Variants in ATP13A2 observed in about 807,000 individuals in gnomAD.
ATP13A2 encodes polyamine-transporting ATPase 13A2.
In ATP13A2, 83 loss-of-function variants were observed where a neutral mutation model predicts 138.3. The observed-to-expected ratio is 0.60, with a 90% CI of 0.50 to 0.72. The LOEUF is 0.72. ATP13A2 is among the 30% of genes least tolerant of loss of function. ATP13A2 has a pLI of 0.00. For missense variants in ATP13A2, 1,402 were observed against 1,606.4 expected (o/e 0.87, Z 2.17); for synonymous variants, 663 against 699.0 (o/e 0.95, Z 0.81).
rs1156703872 is a variant in ATP13A2 at position 16,987,216 on chromosome 1, G to A, written c.2913C>T (p.Thr971=). Residue 971 remains threonine (T), a synonymous_variant, in exon 26 of 29, where the codon ACC becomes ACT. Transcript: ENST00000326735. ...GGCTCATGAGCACTGCCACTGTGGT[G>A]GTGATGACCAGGTCGATGGCCAGGA... ...LQFLAIDLVI[T]TTVAVLMSRT... The A allele has an allele frequency of 1.2e-6, 2 of 1,613,892 alleles. No individual in the cohort carries two copies. Among genetic ancestry groups the A allele is most frequent in the African/African-American group, 2.7e-5 (2 of 75,046 alleles).
rs56268651 is a variant in ATP13A2, at chr1:16,990,299, G to A, written c.2252-12C>T. ...CTGCAGGTTGTCCCCTGGGGGTTAT[G>A]GGGCAAGGTGAGGGTCTGAGGCTAT... On this transcript the variant is annotated splice_polypyrimidine_tract_variant and intron_variant, in intron 20 of 28. Coordinates refer to ENST00000326735, the MANE Select transcript of ATP13A2 (RefSeq NM_022089.4). 1.7e-5 allele frequency: 27 copies of A among 1,613,876 alleles called. No homozygotes were observed. The African/African-American group carries it at 2.3e-4, about 14-fold the overall frequency.
chr1:16,992,153 C>A (rs551363748), intron 18 of ATP13A2, 24 bp from the exon 19 acceptor site: 4 of 1,612,268 alleles, frequency 2.5e-6, no homozygotes, highest in Non-Finnish European at 3.4e-6. Context: ...GCAGGTGTCA[C>A]AAGGAGGGGA....
intron 1 of ATP13A2, 137 bp from the exon 2 acceptor site, chr1:17,005,915 A>C (rs1263800040): frequency 4.1e-6 from 3 of 733,770 alleles, no homozygotes; most frequent in Non-Finnish European, 6.7e-6. Context: ...CGGGTGGATC[A>C]CCTGAGGTTA....
At chr1:16,997,498 A>G (rs879612558) in intron 11 of ATP13A2, among the ~76,000 whole-genome samples, 1 of 146,150 alleles carries the variant, frequency 6.8e-6, no homozygotes, top group Non-Finnish European at 1.5e-5. Flanking sequence ...TTTCTGCTGG[A>G]ATTATTTTAT....
intron 11 of ATP13A2, among the ~76,000 whole-genome samples, 183 bp downstream of exon 11, chr1:16,999,828 G>C (rs934377211): frequency 3.1e-4 from 47 of 152,166 alleles, no homozygotes; most frequent in Admixed American, 3.0e-3. Flanking sequence ...TTGAACCTGG[G>C]GGGTGGAGGC....
At chr1:17,008,419 A>G (rs150814450) in intron 1 of ATP13A2, among the ~76,000 whole-genome samples, 3,165 of 152,200 alleles carry the variant, frequency 0.021, 50 homozygotes, top group Non-Finnish European at 0.033. Context: ...CTGGGCTTCC[A>G]TTTCTCATCT....
chr1:17,007,125 C>A (rs988230658), intron 1 of ATP13A2, among the ~76,000 whole-genome samples: 3 of 152,296 alleles, frequency 2.0e-5, no homozygotes, highest in Admixed American at 2.0e-4. Flanking sequence ...GTGATCCACC[C>A]GCCTTGCCTC....
At position 16,986,739 on chromosome 1, in the gene ATP13A2, C is replaced by T. The variant is rs1416500601; in HGVS notation, c.3235+66G>A. 2.5e-6 allele frequency: 4 copies of T among 1,571,760 alleles called. No individual in the cohort carries two copies. The highest frequency in any genetic ancestry group is 2.4e-5 in the East Asian group (1 of 41,544). ...CGGCCGGCACCTCTCTCCCATCTGC[C>T]TCCCCAGCACCCCAGGGCTCCTCCC... On this transcript the variant is annotated intron_variant, in intron 27 of 28. Transcript: ENST00000326735. This position sits in a 1 kb window ranked among gnomAD's most constrained non-coding sequence, Gnocchi z 6.9.
intron 1 of ATP13A2, among the ~76,000 whole-genome samples, chr1:17,009,168 A>T (rs1351773184): frequency 1.3e-5 from 2 of 152,060 alleles, no homozygotes; most frequent in African/African-American, 4.8e-5. Context: ...CCTTACTCCC[A>T]GGTCCTCTCT....
At chr1:17,005,651 G>T (rs749055610) in intron 2 of ATP13A2, 33 bp downstream of exon 2, 15 of 1,612,972 alleles carry the variant, frequency 9.3e-6, no homozygotes, top group Non-Finnish European at 1.3e-5. Flanking sequence ...TTCACCCCCT[G>T]CAGCTTTTCC....
chr1:17,011,624 C>G lies in ATP13A2; in HGVS notation c.10+105G>C, dbSNP rs1570929622. The G allele has an allele frequency of 5.2e-6, 7 of 1,358,658 alleles. No homozygotes were observed. The East Asian group carries it at 2.2e-4, about 43-fold the overall frequency. The allele number at this position is 1,358,658 out of a possible 1,614,324, so 84.2% of individuals were successfully genotyped here. ...CAGGTCCCGCTTCCTGGGCTCGCGA[C>G]CCCGCGGTGGGGGGCGTCGCCTCCC... On this transcript the variant is annotated intron_variant, in intron 1 of 28. Coordinates refer to ENST00000326735, the MANE Select transcript of ATP13A2 (RefSeq NM_022089.4). This position sits in a 1 kb window ranked among gnomAD's most constrained non-coding sequence, Gnocchi z 7.3.
Position 16,996,053 on chromosome 1 carries a change from G to T in ATP13A2, c.1465C>A (p.Arg489=). 1 of 1,614,094 alleles carries T rather than the reference G, an allele frequency of 6.2e-7. No homozygotes were observed. The highest frequency in any genetic ancestry group is 8.5e-7 in the Non-Finnish European group (1 of 1,180,046). Residue 489 remains arginine, a synonymous_variant, in exon 15 of 29, where the codon CGG becomes AGG. Coordinates refer to ENST00000326735, the MANE Select transcript of ATP13A2 (RefSeq NM_022089.4). ...VCTLYAQSRL[R]RQGIFCIHPL... is the part of the protein sequence containing the mutation. ...TGGATGCAGAAAATGCCCTGTCTCC[G>T]CAGTCGGCTCTGGGCGTAGAGCGTG...
At chr1:17,000,208 C>T (rs1226481563) in intron 10 of ATP13A2, 38 bp downstream of exon 10, 11 of 1,505,470 alleles carry the variant, frequency 7.3e-6, no homozygotes, top group Admixed American at 2.2e-5. Context: ...CCCCACCCTC[C>T]CACTCCTGCC....
chr1:16,988,531 G>A (rs2100691004), intron 23 of ATP13A2, 57 bp from the exon 24 acceptor site: 1 of 1,611,402 alleles, frequency 6.2e-7, no homozygotes, highest in South Asian at 1.1e-5. Flanking sequence ...CCCCATGGGT[G>A]GGCTGGCAGA....
At chr1:17,007,394 T>C (rs2077598729) in intron 1 of ATP13A2, among the ~76,000 whole-genome samples, 2 of 152,002 alleles carry the variant, frequency 1.3e-5, no homozygotes, top group Admixed American at 1.3e-4. Flanking sequence ...GATCAACTCC[T>C]CAGGCCGGGG....
chr1:17,002,499 G>A, intron 6 of ATP13A2, 126 bp from the exon 7 acceptor site: 1 of 1,162,684 alleles, frequency 8.6e-7, no homozygotes, highest in Non-Finnish European at 1.2e-6. Flanking sequence ...TGAGCTCCTG[G>A]GAGCAAGTAA....
chr1:17,005,282 A>G, intron 3 of ATP13A2, 92 bp downstream of exon 3: 1 of 1,528,110 alleles, frequency 6.5e-7, no homozygotes, highest in South Asian at 1.2e-5. Context: ...TCCCATGGAA[A>G]GTCAGTGGCC....
chr1:17,006,105 T>C (rs368885192), intron 1 of ATP13A2, among the ~76,000 whole-genome samples: 43 of 151,988 alleles, frequency 2.8e-4, no homozygotes, highest in African/African-American at 9.4e-4. Flanking sequence ...ACTGCACCCC[T>C]GCCTGAGCAA....
Position 16,992,369 on chromosome 1 carries a change from G to A in ATP13A2, c.1879C>T (p.Arg627Cys), listed in dbSNP as rs1173245543. The change falls in exon 18 of 29, where the codon CGC becomes TGC. Residue 627 changes from arginine (R) to cysteine (C), a missense_variant. Physicochemically the swap from Arg to Cys is radical, Grantham distance 180. Coordinates refer to ENST00000326735, the MANE Select transcript of ATP13A2 (RefSeq NM_022089.4). ...TGCAGAGCCGAAGAGAAGGGGAAGC[G>A]GTGGAGGACGCTGACTGGCACCGGG... is the stretch of plus-strand genomic sequence containing the variant. The part of the protein sequence containing the change: ...EPPVPVSVLH[R>C]FPFSSALQRM... 6.2e-6 allele frequency: 10 copies of A among 1,613,448 alleles called. No individual in the cohort carries two copies. Among genetic ancestry groups the A allele is most frequent in the African/African-American group, 2.7e-5 (2 of 74,952 alleles).
Sources: gnomAD v4.1 joint callset for allele counts (sites outside exome capture counted in the v4.1 genomes callset) on GRCh38, gnomAD v4.1.1 for gene constraint, Gnocchi (gnomAD v3.1) non-coding constraint, MANE v1.5 for transcripts, NCBI Gene and HGNC (gene_info 2026-07-23, HGNC 2026-07-21) for gene names.